The following SLC67A1 variants were observed in gnomAD, a reference collection of about 807,000 sequenced individuals.
The protein encoded by SLC67A1 is solute carrier family 67 member 1, also known as solute carrier family 67 member A1.
the SLC67A1 span, among the ~76,000 whole-genome samples, chr11:2,901,820 G>A: frequency 1.3e-5 from 2 of 151,960 alleles, no homozygotes; most frequent in Non-Finnish European, 2.9e-5. Context: ...CCTTTGGCAG[G>A]GCCAGGCTAC....
the SLC67A1 span, chr11:2,908,099 T>A: frequency 1.6e-6 from 1 of 619,590 alleles, no homozygotes; most frequent in Non-Finnish European, 2.9e-6. Context: ...GAAGGGCCCC[T>A]CGATGGTCAT....
At chr11:2,908,281 C>T in the SLC67A1 span, 1 of 1,613,932 alleles carries the variant, frequency 6.2e-7, no homozygotes, top group Non-Finnish European at 8.5e-7. Context: ...CGGCTACCTG[C>T]AAACCACCTT....
the SLC67A1 span, chr11:2,919,577 A>T: frequency 1.7e-6 from 1 of 601,726 alleles, no homozygotes; most frequent in East Asian, 2.8e-5. Context: ...AGGGAGAGCC[A>T]ACTGCAGTGG....
chr11:2,909,703 G>C, the SLC67A1 span: 1 of 1,529,906 alleles, frequency 6.5e-7, no homozygotes, highest in Non-Finnish European at 8.7e-7. Flanking sequence ...CCTGGTCTCC[G>C]CGTACGGGTG....
At chr11:2,921,247 A>C in the SLC67A1 span, 1 of 150,812 alleles carries the variant, frequency 6.6e-6, no homozygotes, top group Non-Finnish European at 1.5e-5. Context: ...AAAAAAAAAA[A>C]AGGTGTTAAA....
At chr11:2,900,167 G>T in the SLC67A1 span, among the ~76,000 whole-genome samples, 1 of 152,126 alleles carries the variant, frequency 6.6e-6, no homozygotes, top group Non-Finnish European at 1.5e-5. Flanking sequence ...CCCCAGGGCG[G>T]CCAGTGGTGA....
At chr11:2,903,608 C>T in the SLC67A1 span, 1 of 1,130,532 alleles carries the variant, frequency 8.8e-7, no homozygotes, top group Non-Finnish European at 1.3e-6. Flanking sequence ...CAGGGCCCCT[C>T]CCAGTTGGGA....
chr11:2,909,475 G>T, the SLC67A1 span: 7 of 1,438,690 alleles, frequency 4.9e-6, no homozygotes, highest in Non-Finnish European at 6.4e-6. Flanking sequence ...GGCTGGACGG[G>T]GGTGGGGGGC....
the SLC67A1 span, among the ~76,000 whole-genome samples, chr11:2,913,499 C>G: frequency 6.6e-6 from 1 of 152,174 alleles, no homozygotes; most frequent in Non-Finnish European, 1.5e-5. Flanking sequence ...TGGGAAGGGT[C>G]AGGCCAGAGG....
chr11:2,924,636 G>A, the SLC67A1 span, among the ~76,000 whole-genome samples: 4 of 152,316 alleles, frequency 2.6e-5, no homozygotes, highest in East Asian at 3.9e-4. This position sits in a 1 kb window ranked among gnomAD's most constrained non-coding sequence, Gnocchi z 8.6. Flanking sequence ...GGCCTTCTGC[G>A]GTGACCTGTG....
At chr11:2,907,728 G>A in the SLC67A1 span, among the ~76,000 whole-genome samples, 4 of 152,162 alleles carry the variant, frequency 2.6e-5, no homozygotes, top group Non-Finnish European at 5.9e-5. The surrounding 1 kb of genome is among the most constrained non-coding windows in gnomAD (Gnocchi z 6.7). Flanking sequence ...AGAGAATTAG[G>A]GCAGGATATA....
the SLC67A1 span, chr11:2,899,929 C>G: frequency 9.9e-6 from 5 of 504,996 alleles, no homozygotes; most frequent in Middle Eastern, 5.4e-4. Flanking sequence ...TAAGCCCTCC[C>G]CAGGGAACCC....
chr11:2,925,003 C>T, the SLC67A1 span: 4 of 1,600,970 alleles, frequency 2.5e-6, no homozygotes, highest in Middle Eastern at 2.0e-4. This position sits in a 1 kb window ranked among gnomAD's most constrained non-coding sequence, Gnocchi z 6.5. Context: ...CCCCATGCAC[C>T]CCCCAGGGAC....
the SLC67A1 span, among the ~76,000 whole-genome samples, chr11:2,910,526 C>T: frequency 3.3e-5 from 5 of 151,912 alleles, no homozygotes; most frequent in Middle Eastern, 3.2e-3. Flanking sequence ...GCCAGGGGGC[C>T]GTGTGGCTGG....
chr11:2,910,809 G>A, the SLC67A1 span, among the ~76,000 whole-genome samples: 603 of 152,324 alleles, frequency 4.0e-3, 3 homozygotes, highest in Non-Finnish European at 5.0e-3. Flanking sequence ...GGCGCCTTGC[G>A]CAGAGGCCCA....
chr11:2,903,283 C>A, the SLC67A1 span: 2 of 1,580,250 alleles, frequency 1.3e-6, no homozygotes, highest in South Asian at 1.1e-5. Flanking sequence ...TGGACTTTTG[C>A]CCCCTGCTCC....
the SLC67A1 span, chr11:2,908,260 T>A: frequency 6.2e-7 from 1 of 1,613,900 alleles, no homozygotes. Flanking sequence ...GGGCCTGGAT[T>A]CCATTGCCTT....
At chr11:2,902,953 C>A in the SLC67A1 span, among the ~76,000 whole-genome samples, 1 of 152,228 alleles carries the variant, frequency 6.6e-6, no homozygotes, top group East Asian at 1.9e-4. Flanking sequence ...GTGGACTCAG[C>A]CACCACTCCG....
chr11:2,908,053 C>T, the SLC67A1 span, among the ~76,000 whole-genome samples: 1 of 152,276 alleles, frequency 6.6e-6, no homozygotes, highest in Admixed American at 6.5e-5. Context: ...CCACAACAGG[C>T]TTCCGCCTAG....
Sources: gnomAD v4.1 joint callset for allele counts (sites outside exome capture counted in the v4.1 genomes callset) on GRCh38, gnomAD v4.1.1 for gene constraint, Gnocchi (gnomAD v3.1) non-coding constraint, MANE v1.5 for transcripts, NCBI Gene and HGNC (gene_info 2026-07-23, HGNC 2026-07-21) for gene names.